The following TIA1 variants were observed in gnomAD, a reference collection of about 807,000 sequenced individuals.
TIA1 encodes cytotoxic granule associated RNA binding protein TIA1.
TIA1 carries 23 observed loss-of-function variants against 65.9 expected under a neutral mutation model. That is an observed-to-expected ratio of 0.35 (90% CI 0.25 to 0.49). TIA1 has a LOEUF of 0.49. TIA1 is among the 20% of genes least tolerant of loss of function. The probability of loss-of-function intolerance (pLI) is 0.98; values close to 1 mark genes in which losing one functional copy is unlikely to be tolerated. For missense variants in TIA1, 371 were observed against 477.9 expected (o/e 0.78, Z 2.09); for synonymous variants, 147 against 149.4 (o/e 0.98, Z 0.12).
chr2:70,220,796 A>G (rs1376390187), intron 7 of TIA1, among the ~76,000 whole-genome samples: 1 of 151,790 alleles, frequency 6.6e-6, no homozygotes, highest in Non-Finnish European at 1.5e-5. Flanking sequence ...TATGCAAACA[A>G]CTCTTGAGAA....
rs1678721155 is a variant in TIA1, at chr2:70,216,565, A to G, written c.584-66T>C. On this transcript the variant is annotated intron_variant, in intron 8 of 12. Coordinates refer to ENST00000433529, the MANE Select transcript of TIA1 (RefSeq NM_022173.4). The stretch of plus-strand genomic sequence containing the variant: ...AAATGTGCAGAAAGAGAAAAGTAGC[A>G]TTCACTACACTACTGTAAAGGTAAC... 2.1e-6 allele frequency: 3 copies of G among 1,457,542 alleles called. No individual in the cohort carries two copies. In the African/African-American group the frequency reaches 4.2e-5, roughly 20 times the overall value. 90.3% of individuals were successfully genotyped at this position (1,457,542 alleles called of 1,614,324 possible). A position where few individuals can be genotyped will look rare whatever the true frequency, so the allele number is the denominator to read the frequency against.
Position 70,216,388 on chromosome 2 carries a change from G to C in TIA1, c.679+16C>G, listed in dbSNP as rs1678655363. ...GCACTTTAAAAATTAATGCCACACA[G>C]GGAAGGCTCCCATACCTGTTAGCCC... On this transcript the variant is annotated intron_variant, in intron 9 of 12. Transcript: ENST00000433529. The C allele has an allele frequency of 6.2e-7, 1 of 1,603,064 alleles. No individual in the cohort carries two copies. Among genetic ancestry groups the C allele is most frequent in the Non-Finnish European group, 8.5e-7 (1 of 1,175,108 alleles).
intron 1 of TIA1, among the ~76,000 whole-genome samples, chr2:70,236,655 T>G (rs758611518): frequency 6.6e-6 from 1 of 151,792 alleles, no homozygotes; most frequent in Non-Finnish European, 1.5e-5. Context: ...TCAGACAAGG[T>G]CTTCTGGGTT....
chr2:70,217,072 TTGG>T (rs978674747), intron 7 of TIA1, 78 bp from the exon 8 acceptor site: 5 of 1,420,532 alleles, frequency 3.5e-6, no homozygotes, highest in Non-Finnish European at 4.7e-6. Flanking sequence ...TAGAGAAAAC[TTGG>T]TGCTTTTCAC....
rs2103762668 is a variant in TIA1 at position 70,209,905 on chromosome 2, C to G, written c.*2814G>C. The G allele has an allele frequency of 2.5e-6, 1 of 393,452 alleles. No individual in the cohort carries two copies. The highest frequency in any genetic ancestry group is 4.5e-6 in the Non-Finnish European group (1 of 223,306). 24.4% of individuals were successfully genotyped at this position (393,452 alleles called of 1,614,324 possible). A position where few individuals can be genotyped will look rare whatever the true frequency, so the allele number is the denominator to read the frequency against. On this transcript the variant is annotated 3_prime_UTR_variant, in exon 13 of 13. Transcript: ENST00000433529. ...AACTGCCTTCTCAAATGGAATAGAACTATAACACACAAATAAAAGGAAGAT... is the reference window on the plus strand; with the variant it reads ...AACTGCCTTCTCAAATGGAATAGAAGTATAACACACAAATAAAAGGAAGAT...
intron 3 of TIA1, 132 bp from the exon 4 acceptor site, chr2:70,229,450 T>C: frequency 2.8e-6 from 2 of 723,798 alleles, no homozygotes; most frequent in Non-Finnish European, 4.5e-6. Flanking sequence ...TGGTCAAGTT[T>C]CAACACTTAA....
chr2:70,234,623 G>A (rs1402057514), intron 2 of TIA1, among the ~76,000 whole-genome samples: 1 of 152,106 alleles, frequency 6.6e-6, no homozygotes, highest in Non-Finnish European at 1.5e-5. Flanking sequence ...GTGCAATGGT[G>A]CAATCTCGGC....
At chr2:70,233,006 C>T (rs1167508180) in intron 2 of TIA1, among the ~76,000 whole-genome samples, 1 of 152,122 alleles carries the variant, frequency 6.6e-6, no homozygotes, top group Admixed American at 6.6e-5. Flanking sequence ...TGCAAAATAT[C>T]AAATGACATT....
At chr2:70,218,762 A>G (rs1227865499) in intron 7 of TIA1, among the ~76,000 whole-genome samples, 1 of 152,226 alleles carries the variant, frequency 6.6e-6, no homozygotes, top group Non-Finnish European at 1.5e-5. Flanking sequence ...TAAGAGGAGA[A>G]TGGCTTAGGA....
At chr2:70,216,615 A>G in intron 8 of TIA1, 116 bp from the exon 9 acceptor site, 1 of 1,284,876 alleles carries the variant, frequency 7.8e-7, no homozygotes, top group South Asian at 1.5e-5. Flanking sequence ...AAATGCTTAT[A>G]TTACACATAT....
intron 1 of TIA1, among the ~76,000 whole-genome samples, chr2:70,237,590 C>T (rs374135475): frequency 1.3e-5 from 2 of 149,532 alleles, no homozygotes; most frequent in East Asian, 4.1e-4. Flanking sequence ...AATGGCTGGG[C>T]GAGGTGGCTC....
intron 1 of TIA1, among the ~76,000 whole-genome samples, chr2:70,243,949 CTA>C (rs1295470604): frequency 6.6e-6 from 1 of 152,188 alleles, no homozygotes. Context: ...TTAAGATAGG[CTA>C]TACCACTACT....
At position 70,209,683 on chromosome 2, in the gene TIA1, T is replaced by G. The variant is rs1675988724; in HGVS notation, c.*3036A>C. Reference sequence around the variant, plus strand: ...GTTTATCCCTGCTCATGCTTAAGATTGACGATTTCGTGAAATAAAGAACAT... The same window carrying G: ...GTTTATCCCTGCTCATGCTTAAGATGGACGATTTCGTGAAATAAAGAACAT... On this transcript the variant is annotated 3_prime_UTR_variant, in exon 13 of 13. Coordinates refer to ENST00000433529, the MANE Select transcript of TIA1 (RefSeq NM_022173.4). 7.5e-6 allele frequency: 3 copies of G among 398,418 alleles called. No individual in the cohort carries two copies. The highest frequency in any genetic ancestry group is 1.3e-5 in the Non-Finnish European group (3 of 225,960). 24.7% of individuals were successfully genotyped at this position (398,418 alleles called of 1,614,324 possible).
At chr2:70,221,179 C>T (rs1218624877) in intron 7 of TIA1, among the ~76,000 whole-genome samples, 2 of 151,516 alleles carry the variant, frequency 1.3e-5, no homozygotes, top group Non-Finnish European at 2.9e-5. Flanking sequence ...GCTAATTTTT[C>T]TATTTTTAGT....
intron 3 of TIA1, among the ~76,000 whole-genome samples, chr2:70,229,547 A>G (rs1367605128): frequency 6.6e-6 from 1 of 152,182 alleles, no homozygotes. Flanking sequence ...TCCTACCTAA[A>G]GTACCCATAT....
At chr2:70,247,679 T>C (rs1427463533) in intron 1 of TIA1, among the ~76,000 whole-genome samples, 4 of 152,116 alleles carry the variant, frequency 2.6e-5, no homozygotes, top group Non-Finnish European at 5.9e-5. Flanking sequence ...AGCCCGCTCG[T>C]TCAACACCAT....
chr2:70,229,022 A>C (rs1261473801), intron 5 of TIA1, 37 bp downstream of exon 5: 1 of 1,552,058 alleles, frequency 6.4e-7, no homozygotes, highest in African/African-American at 1.4e-5. Context: ...ATACCCTTTC[A>C]AGAGATTTCA....
chr2:70,248,699 A>C, upstream of TIA1: 1 of 536,170 alleles, frequency 1.9e-6, no homozygotes, highest in Non-Finnish European at 3.3e-6. Flanking sequence ...TTGCACTCTC[A>C]ACCTCCGGGC....
chr2:70,238,979 A>T (rs895266494), intron 1 of TIA1, among the ~76,000 whole-genome samples: 1 of 152,202 alleles, frequency 6.6e-6, no homozygotes, highest in African/African-American at 2.4e-5. Context: ...TGAGGTGGGA[A>T]GATCACTTGA....
Sources: gnomAD v4.1 joint callset for allele counts (sites outside exome capture counted in the v4.1 genomes callset) on GRCh38, gnomAD v4.1.1 for gene constraint, MANE v1.5 for transcripts, NCBI Gene and HGNC (gene_info 2026-07-23, HGNC 2026-07-21) for gene names.